The following SDK1 variants were observed in gnomAD, a reference collection of about 807,000 sequenced individuals.
SDK1 encodes the protein sidekick cell adhesion molecule 1.
Under a neutral mutation model 245.5 loss-of-function variants are expected in SDK1, and 157 were observed. The observed-to-expected ratio is 0.64, with a 90% CI of 0.56 to 0.73. The LOEUF (loss-of-function observed/expected upper bound fraction) is 0.73, where lower values mean the gene tolerates loss of function less well. Ranked by LOEUF, SDK1 falls within the 30% of genes least tolerant of loss-of-function variation. The pLI, the probability that SDK1 is intolerant of heterozygous loss-of-function variation, is 0.00. For synonymous variants in SDK1, 1,647 were observed against 1,278.5 expected (o/e 1.29, Z -6.15); for missense variants, 3,583 against 3,002.3 (o/e 1.19, Z -4.52).
At chr7:3,880,004 A>G (rs182378581) in intron 5 of SDK1, among the ~76,000 whole-genome samples, 1 of 152,262 alleles carries the variant, frequency 6.6e-6, no homozygotes, top group Non-Finnish European at 1.5e-5. Context: ...TAATCTTCTC[A>G]ATGGCTTTAT....
chr7:4,221,866 A>G (rs1199430406), intron 40 of SDK1, among the ~76,000 whole-genome samples: 2 of 152,208 alleles, frequency 1.3e-5, no homozygotes. Flanking sequence ...CTTATTCACC[A>G]GAATAATTTT....
At chr7:4,230,233 GGATA>G (rs1406862567) in intron 40 of SDK1, among the ~76,000 whole-genome samples, 1 of 151,176 alleles carries the variant, frequency 6.6e-6, no homozygotes, top group Non-Finnish European at 1.5e-5. Context: ...ATGGACGAAT[GGATA>G]GATGGATAGG....
chr7:3,702,814 CAA>C (rs1387623262), intron 4 of SDK1, among the ~76,000 whole-genome samples: 6 of 152,030 alleles, frequency 3.9e-5, no homozygotes, highest in Admixed American at 3.9e-4. Context: ...GCCTGTTTTG[CAA>C]AAGAGGGTCT....
chr7:4,232,042 CTTTTTTTTT>C (rs58243380), intron 40 of SDK1, among the ~76,000 whole-genome samples: 1 of 131,834 alleles, frequency 7.6e-6, no homozygotes, highest in Non-Finnish European at 1.6e-5. Context: ...TCTGAGCCTA[CTTTTTTTTT>C]TTTTTTTTTT....
chr7:3,738,306 CT>C (rs1779378889), intron 4 of SDK1, among the ~76,000 whole-genome samples: 1 of 152,172 alleles, frequency 6.6e-6, no homozygotes. Flanking sequence ...AGAGACTGTC[CT>C]TTATCCATTG....
chr7:4,077,518 G>C (rs1283569027), intron 21 of SDK1, among the ~76,000 whole-genome samples: 1 of 152,178 alleles, frequency 6.6e-6, no homozygotes, highest in Non-Finnish European at 1.5e-5. Flanking sequence ...AGCGATGATT[G>C]TATTAGTCCA....
intron 35 of SDK1, among the ~76,000 whole-genome samples, chr7:4,191,947 G>C (rs959554098): frequency 6.6e-6 from 1 of 152,176 alleles, no homozygotes; most frequent in Non-Finnish European, 1.5e-5. Flanking sequence ...GGCTTTGACG[G>C]CAGTTTCCGA....
chr7:3,663,473 A>G (rs11971242), intron 4 of SDK1, among the ~76,000 whole-genome samples: 54,893 of 152,038 alleles, frequency 0.36, 10,903 homozygotes, highest in African/African-American at 0.52. Flanking sequence ...GCTTGTTTGC[A>G]TTCTGTGATG....
intron 4 of SDK1, among the ~76,000 whole-genome samples, chr7:3,816,173 AC>A (rs1421404652): frequency 6.7e-6 from 1 of 149,954 alleles, no homozygotes; most frequent in Non-Finnish European, 1.5e-5. Flanking sequence ...CCCTAACATC[AC>A]AATTAAAAGA....
At chr7:3,703,024 G>A (rs1421989625) in intron 4 of SDK1, among the ~76,000 whole-genome samples, 2 of 139,280 alleles carry the variant, frequency 1.4e-5, no homozygotes, top group Non-Finnish European at 3.1e-5. Flanking sequence ...TTGGAAAATA[G>A]TAGTTTCTTT....
At chr7:3,702,416 G>A (rs1425588841) in intron 4 of SDK1, among the ~76,000 whole-genome samples, 1 of 152,202 alleles carries the variant, frequency 6.6e-6, no homozygotes, top group Non-Finnish European at 1.5e-5. Context: ...GATGATGGAA[G>A]TGTGTATTCG....
At chr7:3,728,515 T>A (rs1351403868) in intron 4 of SDK1, among the ~76,000 whole-genome samples, 6 of 152,154 alleles carry the variant, frequency 3.9e-5, no homozygotes, top group Non-Finnish European at 7.4e-5. Context: ...CCAAAACTCT[T>A]CCCAGCATTT....
intron 1 of SDK1, among the ~76,000 whole-genome samples, chr7:3,303,577 T>TAGGG (rs112768256): frequency 0.78 from 118,463 of 151,724 alleles, 47,045 homozygotes; most frequent in African/African-American, 0.93. Flanking sequence ...CGAACTTTGT[T>TAGGG]AGGAATATTT....
chr7:3,741,445 C>G (rs1003948506), intron 4 of SDK1, among the ~76,000 whole-genome samples: 1 of 152,122 alleles, frequency 6.6e-6, no homozygotes, highest in Non-Finnish European at 1.5e-5. Flanking sequence ...CTGTGTGAAG[C>G]TTATTTTAGC....
intron 17 of SDK1, among the ~76,000 whole-genome samples, chr7:4,045,061 C>G (rs77507766): frequency 0.011 from 1,732 of 152,212 alleles, 33 homozygotes; most frequent in African/African-American, 0.034. Context: ...CCCTTAGTGT[C>G]ATGCATTTGA....
intron 4 of SDK1, among the ~76,000 whole-genome samples, chr7:3,781,190 C>T (rs1263606045): frequency 6.6e-6 from 1 of 152,096 alleles, no homozygotes; most frequent in Non-Finnish European, 1.5e-5. Flanking sequence ...AGCCTATAGC[C>T]CTGCCCAACT....
At chr7:3,365,966 G>A (rs1160439216) in intron 1 of SDK1, among the ~76,000 whole-genome samples, 2 of 151,432 alleles carry the variant, frequency 1.3e-5, no homozygotes, top group Non-Finnish European at 2.9e-5. Context: ...TTGAACCTGC[G>A]AGGCAGAGGT....
At chr7:3,924,526 C>G (rs1321887024) in intron 5 of SDK1, among the ~76,000 whole-genome samples, 2 of 152,158 alleles carry the variant, frequency 1.3e-5, no homozygotes, top group African/African-American at 4.8e-5. Context: ...AGACGACAAA[C>G]AGGGAGAATG....
chr7:4,205,104 C>A (rs1784143583), intron 35 of SDK1, among the ~76,000 whole-genome samples: 1 of 115,634 alleles, frequency 8.6e-6, no homozygotes, highest in African/African-American at 3.9e-5. Context: ...AGCTCCTCCC[C>A]AGGGGGAGCG....
Sources: allele counts gnomAD v4.1 joint callset (sites outside exome capture counted in the v4.1 genomes callset), GRCh38; gene constraint gnomAD v4.1.1; transcripts MANE v1.5; gene names NCBI Gene and HGNC (gene_info 2026-07-23, HGNC 2026-07-21).